Variants in SIPA1L2 observed in about 807,000 individuals in gnomAD.
SIPA1L2 encodes signal-induced proliferation-associated 1-like protein 2.
In SIPA1L2, 56 loss-of-function variants were observed where a neutral mutation model predicts 163.9. The observed-to-expected ratio is 0.34, with a 90% CI of 0.28 to 0.43. The LOEUF (loss-of-function observed/expected upper bound fraction) is 0.43. SIPA1L2 is among the 20% of genes least tolerant of loss of function. The pLI is 1.00. For synonymous variants in SIPA1L2, 877 were observed against 865.7 expected (o/e 1.01, Z -0.23); for missense variants, 1,974 against 2,193.5 (o/e 0.90, Z 2.00).
intron 1 of SIPA1L2, among the ~76,000 whole-genome samples, chr1:232,601,151 C>T (rs1462523172): frequency 6.6e-6 from 1 of 152,156 alleles, no homozygotes; most frequent in African/African-American, 2.4e-5. Flanking sequence ...CCAGGCTGGG[C>T]CCTGGGACAC....
intron 2 of SIPA1L2, among the ~76,000 whole-genome samples, chr1:232,534,492 AAT>A (rs1657184487): frequency 6.6e-6 from 1 of 152,268 alleles, no homozygotes; most frequent in Non-Finnish European, 1.5e-5. Context: ...TGATTGCTTG[AAT>A]ATGACACTAA....
intron 6 of SIPA1L2, among the ~76,000 whole-genome samples, chr1:232,482,820 A>G (rs1056066350): frequency 6.6e-6 from 1 of 152,162 alleles, no homozygotes; most frequent in Non-Finnish European, 1.5e-5. Context: ...CTCAGTTCCA[A>G]TCCCAGCTCG....
chr1:232,501,813 T>G (rs1178750684), intron 3 of SIPA1L2, among the ~76,000 whole-genome samples: 1 of 152,224 alleles, frequency 6.6e-6, no homozygotes, highest in African/African-American at 2.4e-5. Flanking sequence ...TGATGGCCTC[T>G]ACCCTCTTCC....
Position 232,515,296 on chromosome 1 carries a change from C to T in SIPA1L2, c.44G>A (p.Gly15Asp). The T allele has an allele frequency of 1.2e-6, 2 of 1,611,156 alleles. No individual in the cohort carries two copies. Among genetic ancestry groups the T allele is most frequent in the Non-Finnish European group, 1.7e-6 (2 of 1,178,286 alleles). Reference protein sequence around the residue: ...RQSQEEKHKLGRASSKFKDPP... With the variant: ...RQSQEEKHKLDRASSKFKDPP... ...ATCCTTGAACTTTGAAGAGGCTCTGCCTAGCTTGTGCTTCTCTTCTTGTGA... is the reference window on the plus strand; with the variant it reads ...ATCCTTGAACTTTGAAGAGGCTCTGTCTAGCTTGTGCTTCTCTTCTTGTGA... The change falls in exon 3 of 23, where the codon GGC (glycine) becomes GAC (aspartate). Residue 15 changes from glycine to aspartate, a missense_variant. By Grantham distance (94) the Gly-to-Asp change is moderately conservative. This residue lies in a region of SIPA1L2 where 607 missense variants were observed against 624.0 expected (regional missense o/e 0.97). Coordinates refer to ENST00000674635, the MANE Select transcript of SIPA1L2 (RefSeq NM_020808.5).
intron 7 of SIPA1L2, among the ~76,000 whole-genome samples, chr1:232,475,211 GAC>G (rs1372115977): frequency 6.6e-6 from 1 of 152,070 alleles, no homozygotes; most frequent in Non-Finnish European, 1.5e-5. Flanking sequence ...CTACCTCTCC[GAC>G]CTCATCACCT....
At chr1:232,478,217 T>C (rs890875703) in intron 7 of SIPA1L2, among the ~76,000 whole-genome samples, 2 of 152,220 alleles carry the variant, frequency 1.3e-5, no homozygotes, top group African/African-American at 4.8e-5. Context: ...AATACACAGA[T>C]GTGTAATACA....
At position 232,500,713 on chromosome 1, in the gene SIPA1L2, C is replaced by T. The variant is rs182952373; in HGVS notation, c.1484-7053G>A. On this transcript the variant is annotated intron_variant, in intron 3 of 22. Coordinates refer to ENST00000674635, the MANE Select transcript of SIPA1L2 (RefSeq NM_020808.5). ...ATGGAATCCACTCCTGGTGAAGATG[C>T]TGTGAACGTTGTTGAAATAACAACA... Among the ~76,000 whole-genome samples the T allele has an allele frequency of 1.3e-4, 20 of 152,304 alleles. No homozygotes were observed. The East Asian group carries it at 1.9e-3, about 15-fold the overall frequency.
chr1:232,568,471 A>G (rs1392213805), intron 2 of SIPA1L2, among the ~76,000 whole-genome samples: 1 of 152,224 alleles, frequency 6.6e-6, no homozygotes, highest in Non-Finnish European at 1.5e-5. Flanking sequence ...AGGAAAAAAC[A>G]CTGCTTTTTC....
At chr1:232,630,337 C>T (rs538209328), upstream of SIPA1L2, among the ~76,000 whole-genome samples, 451 of 152,092 alleles carry the variant, frequency 3.0e-3, 4 homozygotes, top group Middle Eastern at 3.4e-3. Context: ...GGGAGCTGCG[C>T]GTCCAGGAGG....
In SIPA1L2 at chr1:232,629,894, T is replaced by C. The variant is rs1213181901; in HGVS notation, c.-344A>G. ...CTTCGCAACGCCGTCCGCCGGAACC[T>C]GCTACAGCCTGTGCGCGCCGGGCGG... On this transcript the variant is annotated 5_prime_UTR_variant, in exon 1 of 23. Transcript: ENST00000674635. Among the ~76,000 whole-genome samples the C allele has an allele frequency of 6.6e-6, 1 of 151,568 alleles. No individual in the cohort carries two copies. The highest frequency in any genetic ancestry group is 2.0e-4 in the East Asian group (1 of 5,124).
At chr1:232,407,892 A>C (rs1164173734) in intron 19 of SIPA1L2, among the ~76,000 whole-genome samples, 1 of 152,216 alleles carries the variant, frequency 6.6e-6, no homozygotes, top group Non-Finnish European at 1.5e-5. Flanking sequence ...GAGCTTTTGA[A>C]GAGACTCCAC....
intron 3 of SIPA1L2, among the ~76,000 whole-genome samples, chr1:232,513,065 AGGT>A (rs1166409498): frequency 6.6e-6 from 1 of 152,190 alleles, no homozygotes; most frequent in Non-Finnish European, 1.5e-5. Context: ...CCCAATAAGA[AGGT>A]GGTGAGAGGT....
intron 3 of SIPA1L2, among the ~76,000 whole-genome samples, chr1:232,496,418 A>T (rs1361639652): frequency 6.6e-6 from 1 of 152,188 alleles, no homozygotes; most frequent in African/African-American, 2.4e-5. Context: ...TTCTCAGAAC[A>T]TATCTCTGTT....
chr1:232,404,051 G>C, intron 20 of SIPA1L2, 74 bp downstream of exon 20: 1 of 1,537,274 alleles, frequency 6.5e-7, no homozygotes, highest in African/African-American at 1.4e-5. Context: ...TAACCATGCA[G>C]ACGTGCAGAC....
chr1:232,614,157 C>A (rs925719291), intron 1 of SIPA1L2, among the ~76,000 whole-genome samples: 1 of 152,096 alleles, frequency 6.6e-6, no homozygotes, highest in Non-Finnish European at 1.5e-5. Flanking sequence ...ACACTCCACA[C>A]AGGGATTGCC....
At chr1:232,556,811 A>G (rs1218481136) in intron 2 of SIPA1L2, among the ~76,000 whole-genome samples, 1 of 152,172 alleles carries the variant, frequency 6.6e-6, no homozygotes, top group Admixed American at 6.5e-5. Flanking sequence ...TTTACCCAGG[A>G]AAAGTTAAAG....
At chr1:232,582,500 T>C (rs1660434150) in intron 1 of SIPA1L2, among the ~76,000 whole-genome samples, 1 of 152,242 alleles carries the variant, frequency 6.6e-6, no homozygotes, top group South Asian at 2.1e-4. Context: ...ATTCTTTTCA[T>C]GACTACACAG....
chr1:232,404,564 A>T (rs557653249), intron 19 of SIPA1L2, among the ~76,000 whole-genome samples: 77 of 152,344 alleles, frequency 5.1e-4, no homozygotes, highest in Non-Finnish European at 7.3e-4. Flanking sequence ...TATGTATAGC[A>T]GTAGCACCAA....
chr1:232,494,439 G>C (rs1020349479), intron 3 of SIPA1L2, among the ~76,000 whole-genome samples: 1 of 152,142 alleles, frequency 6.6e-6, no homozygotes, highest in African/African-American at 2.4e-5. Context: ...TCTCTTCCTC[G>C]TATGTGCAAT....
Sources: gnomAD v4.1 joint callset for allele counts (sites outside exome capture counted in the v4.1 genomes callset) on GRCh38, gnomAD v4.1.1 for gene constraint, gnomAD v4.1.1 regional missense constraint, MANE v1.5 for transcripts, NCBI Gene and HGNC (gene_info 2026-07-23, HGNC 2026-07-21) for gene names.